The following EEIG1 variants were observed in gnomAD, a reference collection of about 807,000 sequenced individuals.
EEIG1 encodes the protein early estrogen-induced gene 1 protein.
At chr9:127,950,750 A>C in the EEIG1 span, 2 of 1,365,748 alleles carry the variant, frequency 1.5e-6, no homozygotes, top group Non-Finnish European at 1.9e-6. Flanking sequence ...AGGAACTCAC[A>C]TCCCTGAGCT....
chr9:127,957,495 A>G, the EEIG1 span, among the ~76,000 whole-genome samples: 3 of 152,252 alleles, frequency 2.0e-5, no homozygotes, highest in Admixed American at 1.3e-4. Flanking sequence ...TCCCATGTTC[A>G]TGGATCGGAA....
the EEIG1 span, among the ~76,000 whole-genome samples, chr9:127,959,582 C>G: frequency 1.3e-5 from 2 of 152,132 alleles, no homozygotes; most frequent in Non-Finnish European, 2.9e-5. Flanking sequence ...GTGATTGGAT[C>G]ATGGGGGTGG....
At chr9:127,940,637 G>A in the EEIG1 span, 9 of 152,258 alleles carry the variant, frequency 5.9e-5, no homozygotes, top group Non-Finnish European at 8.8e-5. Flanking sequence ...GCTGACACTA[G>A]CCTGAGTTCC....
At chr9:127,948,484 G>A in the EEIG1 span, 1 of 1,497,606 alleles carries the variant, frequency 6.7e-7, no homozygotes, top group African/African-American at 1.4e-5. Flanking sequence ...GCCCCCTGCA[G>A]CCTTTCGGCT....
chr9:127,952,773 C>T, the EEIG1 span, among the ~76,000 whole-genome samples: 11 of 152,060 alleles, frequency 7.2e-5, no homozygotes, highest in Admixed American at 5.9e-4. Context: ...AGTGCAGTGG[C>T]GCAATCTCGG....
At chr9:127,953,305 G>A in the EEIG1 span, 3 of 513,296 alleles carry the variant, frequency 5.8e-6, no homozygotes, top group African/African-American at 5.8e-5. Context: ...CAATAATGGG[G>A]TCCCAGAAAG....
the EEIG1 span, chr9:127,941,168 C>A: frequency 6.6e-6 from 1 of 152,250 alleles, no homozygotes; most frequent in Non-Finnish European, 1.5e-5. Context: ...TGGCCAAATT[C>A]TCAGTCCAAT....
At chr9:127,952,386 G>A in the EEIG1 span, among the ~76,000 whole-genome samples, 1 of 152,364 alleles carries the variant, frequency 6.6e-6, no homozygotes, top group Non-Finnish European at 1.5e-5. Context: ...CCTGCCACTG[G>A]GCTAAGCCTC....
At chr9:127,943,338 T>A in the EEIG1 span, 1 of 1,162,788 alleles carries the variant, frequency 8.6e-7, no homozygotes, top group Non-Finnish European at 1.3e-6. Flanking sequence ...CAGGTACTGT[T>A]AACCAGCCCT....
the EEIG1 span, among the ~76,000 whole-genome samples, chr9:127,968,367 C>T: frequency 6.6e-6 from 1 of 152,264 alleles, no homozygotes; most frequent in East Asian, 1.9e-4. Context: ...GCACCCCCTA[C>T]ACACTGCAAG....
At chr9:127,969,962 T>C in the EEIG1 span, among the ~76,000 whole-genome samples, 1 of 151,996 alleles carries the variant, frequency 6.6e-6, no homozygotes, top group African/African-American at 2.4e-5. Context: ...AACTCACAGA[T>C]ACTCAGAGAG....
At chr9:127,973,833 A>C in the EEIG1 span, among the ~76,000 whole-genome samples, 1 of 151,994 alleles carries the variant, frequency 6.6e-6, no homozygotes, top group Non-Finnish European at 1.5e-5. This position sits in a 1 kb window ranked among gnomAD's most constrained non-coding sequence, Gnocchi z 4.2. Context: ...CACCCAGGGG[A>C]CCAGGCTGGC....
the EEIG1 span, among the ~76,000 whole-genome samples, chr9:127,974,390 C>G: frequency 3.3e-5 from 5 of 152,238 alleles, no homozygotes; most frequent in African/African-American, 4.8e-5. Flanking sequence ...TCCACCCTCC[C>G]CATACCCCAG....
chr9:127,976,766 C>T, the EEIG1 span, among the ~76,000 whole-genome samples: 1 of 152,100 alleles, frequency 6.6e-6, no homozygotes, highest in Non-Finnish European at 1.5e-5. The surrounding 1 kb of genome is among the most constrained non-coding windows in gnomAD (Gnocchi z 4.1). Context: ...ACGGCAGGTG[C>T]TGTAGGGGTG....
the EEIG1 span, chr9:127,943,008 G>T: frequency 1.6e-6 from 1 of 641,426 alleles, no homozygotes; most frequent in Non-Finnish European, 2.8e-6. Context: ...TGGGCCAGGA[G>T]GGTCCCAGCA....
the EEIG1 span, chr9:127,953,918 C>G: frequency 6.2e-7 from 1 of 1,613,720 alleles, no homozygotes; most frequent in Non-Finnish European, 8.5e-7. Context: ...TTCTCCTGTA[C>G]CTCCTCCCTG....
chr9:127,948,546 C>T, the EEIG1 span: 1 of 874,708 alleles, frequency 1.1e-6, no homozygotes. Context: ...CCCCTCCTGG[C>T]TTGGGGGCTC....
chr9:127,980,414 G>C, the EEIG1 span: 1 of 276,200 alleles, frequency 3.6e-6, no homozygotes, highest in Non-Finnish European at 6.8e-6. Context: ...GCATGGCCCA[G>C]GAGGCAGAGG....
At chr9:127,980,062 A>C in the EEIG1 span, 8 of 1,613,816 alleles carry the variant, frequency 5.0e-6, no homozygotes, top group African/African-American at 9.3e-5. Flanking sequence ...CCGTTCACGA[A>C]GGGAACCGCA....
Sources: allele counts gnomAD v4.1 joint callset (sites outside exome capture counted in the v4.1 genomes callset), GRCh38; gene constraint gnomAD v4.1.1; non-coding constraint Gnocchi (gnomAD v3.1); transcripts MANE v1.5; gene names NCBI Gene and HGNC (gene_info 2026-07-23, HGNC 2026-07-21).